The following SNX29 variants were observed in gnomAD, a reference collection of about 807,000 sequenced individuals.
SNX29 encodes sorting nexin 29.
In SNX29, 78 loss-of-function variants were observed where a neutral mutation model predicts 102.1. That is an observed-to-expected ratio of 0.76 (90% CI 0.64 to 0.92). The LOEUF (loss-of-function observed/expected upper bound fraction) is 0.92. Ranked by LOEUF, SNX29 falls within the 40% of genes least tolerant of loss-of-function variation. The pLI is 0.00. For synonymous variants in SNX29, 580 were observed against 414.5 expected (o/e 1.40, Z -4.85); for missense variants, 1,280 against 1,061.7 (o/e 1.21, Z -2.86).
chr16:12,528,731 G>A lies in SNX29; in HGVS notation c.2318+3890G>A, dbSNP rs144507497. Among the ~76,000 whole-genome samples, 565 of 152,222 alleles carry A rather than the reference G, an allele frequency of 3.7e-3. 2 individuals are homozygous for A. The highest frequency in any genetic ancestry group is 0.013 in the East Asian group (65 of 5,184). ...CCTGGCTCTTCTCCACTGCTCCCAC[G>A]GCCCCTCCATTTGAATCTGTGGACA... On this transcript the variant is annotated intron_variant, in intron 20 of 20. Coordinates refer to ENST00000566228, the MANE Select transcript of SNX29 (RefSeq NM_032167.5).
chr16:12,331,551 C>G (rs956633941), intron 15 of SNX29, among the ~76,000 whole-genome samples: 1 of 152,040 alleles, frequency 6.6e-6, no homozygotes, highest in Non-Finnish European at 1.5e-5. Flanking sequence ...AGACCTGTTC[C>G]AGAATTTTTT....
At chr16:12,566,702 C>T (rs201682542) in intron 20 of SNX29, among the ~76,000 whole-genome samples, 1 of 836 alleles carries the variant, frequency 1.2e-3, no homozygotes, top group South Asian at 0.012. Flanking sequence ...TAAGTGGGGT[C>T]CCCCATCCTT....
intron 16 of SNX29, among the ~76,000 whole-genome samples, chr16:12,365,215 T>A (rs1431380721): frequency 6.6e-6 from 1 of 152,032 alleles, no homozygotes; most frequent in Non-Finnish European, 1.5e-5. Context: ...CTCTGGATGG[T>A]TTTAAACATT....
intron 20 of SNX29, among the ~76,000 whole-genome samples, chr16:12,566,165 G>A (rs888661892): frequency 1.3e-5 from 2 of 152,188 alleles, no homozygotes; most frequent in East Asian, 1.9e-4. Context: ...ACAGCTAGTT[G>A]GTGGCTTTAG....
At chr16:12,541,141 C>T (rs756701908) in intron 20 of SNX29, among the ~76,000 whole-genome samples, 6 of 152,148 alleles carry the variant, frequency 3.9e-5, no homozygotes, top group Non-Finnish European at 7.4e-5. Flanking sequence ...GGGAGGTGAC[C>T]TTACTACATC....
intron 20 of SNX29, among the ~76,000 whole-genome samples, chr16:12,561,405 C>G (rs2078716676): frequency 6.6e-6 from 1 of 152,158 alleles, no homozygotes; most frequent in Middle Eastern, 3.2e-3. Context: ...GCCACACACA[C>G]AGATCAGTCC....
At chr16:12,495,541 T>A (rs2088779765) in intron 19 of SNX29, among the ~76,000 whole-genome samples, 1 of 152,240 alleles carries the variant, frequency 6.6e-6, no homozygotes, top group African/African-American at 2.4e-5. Context: ...TTGCCCCTTA[T>A]TTTTTTGTTT....
chr16:12,487,882 G>C (rs1422927485), intron 19 of SNX29, among the ~76,000 whole-genome samples: 2 of 152,164 alleles, frequency 1.3e-5, no homozygotes, highest in Non-Finnish European at 1.5e-5. Flanking sequence ...TATTAATCGA[G>C]AAGAAGAGAG....
intron 18 of SNX29, among the ~76,000 whole-genome samples, chr16:12,414,756 G>A (rs1227051812): frequency 1.3e-5 from 2 of 152,148 alleles, no homozygotes; most frequent in Non-Finnish European, 2.9e-5. Flanking sequence ...GACAGACTCT[G>A]TGTCTCCAAG....
At chr16:12,459,077 G>A (rs1023955063) in intron 18 of SNX29, among the ~76,000 whole-genome samples, 2 of 37,890 alleles carry the variant, frequency 5.3e-5, no homozygotes, top group Admixed American at 3.9e-4. Context: ...CCTCCTCCCC[G>A]GTCCACTCCC....
At chr16:11,987,440 G>C (rs1316446690) in intron 1 of SNX29, among the ~76,000 whole-genome samples, 2 of 139,930 alleles carry the variant, frequency 1.4e-5, no homozygotes, top group Non-Finnish European at 3.0e-5. Flanking sequence ...GTCTCACTCT[G>C]TCACCCAGGC....
intron 14 of SNX29, among the ~76,000 whole-genome samples, chr16:12,271,596 T>A (rs1174260968): frequency 2.6e-5 from 4 of 151,972 alleles, no homozygotes; most frequent in Non-Finnish European, 1.5e-5. Context: ...ATTGGAACCA[T>A]CTTTGTTGAA....
chr16:12,267,593 T>C (rs2078965879), intron 14 of SNX29, among the ~76,000 whole-genome samples: 1 of 152,144 alleles, frequency 6.6e-6, no homozygotes, highest in African/African-American at 2.4e-5. Flanking sequence ...CACTGGAACC[T>C]CCCTCATCCT....
intron 20 of SNX29, among the ~76,000 whole-genome samples, chr16:12,551,714 T>C (rs2141352341): frequency 6.6e-6 from 1 of 152,316 alleles, no homozygotes; most frequent in Admixed American, 6.5e-5. Flanking sequence ...GTGAGCCAAC[T>C]TGTGAATGGG....
intron 16 of SNX29, among the ~76,000 whole-genome samples, chr16:12,392,753 A>T (rs1349967363): frequency 6.6e-6 from 1 of 152,250 alleles, no homozygotes; most frequent in South Asian, 2.1e-4. Flanking sequence ...TAAAAACCAC[A>T]GAGAACAAAA....
At chr16:12,027,022 C>G (rs1446738637) in intron 3 of SNX29, among the ~76,000 whole-genome samples, 1 of 152,218 alleles carries the variant, frequency 6.6e-6, no homozygotes, top group Admixed American at 6.5e-5. Flanking sequence ...CCCCTCTGCA[C>G]CCCCGCCAGC....
chr16:12,387,285 C>G (rs1184794168), intron 16 of SNX29, among the ~76,000 whole-genome samples: 1 of 152,086 alleles, frequency 6.6e-6, no homozygotes, highest in African/African-American at 2.4e-5. Context: ...CCGAATGGTC[C>G]TAGGAGAGGC....
chr16:12,440,645 C>T (rs1022789250), intron 18 of SNX29, among the ~76,000 whole-genome samples: 10 of 150,164 alleles, frequency 6.7e-5, no homozygotes, highest in African/African-American at 2.2e-4. Flanking sequence ...CTCTGTGTCA[C>T]GTGTTCTCAT....
chr16:12,174,974 T>G (rs2076228286), intron 13 of SNX29, among the ~76,000 whole-genome samples: 2 of 152,150 alleles, frequency 1.3e-5, no homozygotes, highest in Non-Finnish European at 2.9e-5. Context: ...GTAAGAGGGC[T>G]AGTAAACAGC....
Sources: allele counts gnomAD v4.1 joint callset (sites outside exome capture counted in the v4.1 genomes callset), GRCh38; gene constraint gnomAD v4.1.1; transcripts MANE v1.5; gene names NCBI Gene and HGNC (gene_info 2026-07-23, HGNC 2026-07-21).